The following ADGRL3 variants were observed in gnomAD, a reference collection of about 807,000 sequenced individuals.
The protein encoded by ADGRL3 is adhesion G protein-coupled receptor L3, also known as calcium-independent alpha-latrotoxin receptor 3.
A neutral mutation model predicts 153.5 loss-of-function variants in ADGRL3; 62 were observed. The observed-to-expected ratio is 0.40, with a 90% CI of 0.33 to 0.50. ADGRL3 has a LOEUF of 0.50. ADGRL3 is among the 20% of genes least tolerant of loss of function. The pLI, the probability that ADGRL3 is intolerant of heterozygous loss-of-function variation, is 0.47. For synonymous variants in ADGRL3, 710 were observed against 672.5 expected (o/e 1.06, Z -0.86); for missense variants, 1,641 against 1,859.4 (o/e 0.88, Z 2.16).
rs970171734 is a variant in ADGRL3, at chr4:62,008,907, T to C, written c.3395+10642T>C. 2.0e-5 allele frequency among the ~76,000 whole-genome samples: 3 copies of C among 152,246 alleles called. No homozygotes were observed. The East Asian group carries it at 5.8e-4, about 29-fold the overall frequency. The stretch of plus-strand genomic sequence containing the variant: ...CCATTTGTTTCCTGTACCTTTCTTA[T>C]GTTTACATTTGTTTAGATATACAAA... On this transcript the variant is annotated intron_variant, in intron 21 of 26. Coordinates refer to ENST00000683033, the MANE Select transcript of ADGRL3 (RefSeq NM_001387552.1).
intron 25 of ADGRL3, among the ~76,000 whole-genome samples, chr4:62,056,458 A>G (rs948944989): frequency 1.3e-5 from 2 of 152,048 alleles, no homozygotes; most frequent in African/African-American, 4.8e-5. Flanking sequence ...GAATGTGCAC[A>G]ATTTAGTGTA....
intron 6 of ADGRL3, among the ~76,000 whole-genome samples, chr4:61,726,919 TA>T (rs2096358666): frequency 2.6e-5 from 4 of 152,264 alleles, no homozygotes; most frequent in African/African-American, 9.6e-5. Flanking sequence ...AAATAAAATT[TA>T]AACATTAAAA....
At chr4:61,469,482 G>T (rs1415019994) in intron 2 of ADGRL3, among the ~76,000 whole-genome samples, 1 of 151,974 alleles carries the variant, frequency 6.6e-6, no homozygotes. Flanking sequence ...GCATTGGTCA[G>T]TTTTAGTTTG....
chr4:61,605,397 A>C lies in ADGRL3; in HGVS notation c.473+17957A>C, dbSNP rs564518702. On this transcript the variant is annotated intron_variant, in intron 5 of 26. Transcript: ENST00000683033. The stretch of plus-strand genomic sequence containing the variant: ...AAGATTGTTAGTTTTGTTTTGTCAG[A>C]GAGAACTTGACATTTCATAAGAAAA... Among the ~76,000 whole-genome samples, 5 of 152,274 alleles carry C rather than the reference A, an allele frequency of 3.3e-5. No individual in the cohort carries two copies. The South Asian group carries it at 1.0e-3, about 32-fold the overall frequency.
At chr4:61,611,927 A>G (rs562454240) in intron 5 of ADGRL3, among the ~76,000 whole-genome samples, 4 of 152,072 alleles carry the variant, frequency 2.6e-5, no homozygotes, top group Non-Finnish European at 4.4e-5. Context: ...TAAAAAATAT[A>G]TATATATTAT....
At chr4:61,918,606 G>A (rs1348232782) in intron 13 of ADGRL3, among the ~76,000 whole-genome samples, 1 of 152,088 alleles carries the variant, frequency 6.6e-6, no homozygotes, top group African/African-American at 2.4e-5. Context: ...ACAGGCTTAA[G>A]GAATGAGGAG....
chr4:61,888,877 G>A (rs1227152188), intron 9 of ADGRL3, among the ~76,000 whole-genome samples: 1 of 152,110 alleles, frequency 6.6e-6, no homozygotes, highest in African/African-American at 2.4e-5. Flanking sequence ...AGGATCATTT[G>A]GGGGAGAGGG....
At chr4:62,003,146 C>A (rs749796879) in intron 21 of ADGRL3, among the ~76,000 whole-genome samples, 1 of 152,078 alleles carries the variant, frequency 6.6e-6, no homozygotes, top group Non-Finnish European at 1.5e-5. Flanking sequence ...GTGAAGGGAA[C>A]ACGGAATCTA....
At chr4:61,546,605 G>A (rs1234730997) in intron 4 of ADGRL3, among the ~76,000 whole-genome samples, 2 of 151,964 alleles carry the variant, frequency 1.3e-5, no homozygotes, top group African/African-American at 2.4e-5. Context: ...CCAACTTCAT[G>A]TTCAATGAAG....
intron 1 of ADGRL3, among the ~76,000 whole-genome samples, chr4:61,319,871 A>G (rs1215436414): frequency 6.6e-6 from 1 of 152,140 alleles, no homozygotes; most frequent in African/African-American, 2.4e-5. Flanking sequence ...GCTTTGAAAA[A>G]TTGTTTCTCC....
chr4:61,372,545 G>T (rs1560535891), intron 1 of ADGRL3, among the ~76,000 whole-genome samples: 1 of 152,180 alleles, frequency 6.6e-6, no homozygotes, highest in African/African-American at 2.4e-5. Flanking sequence ...CTGCTCGGGG[G>T]TCAGGGGTCA....
intron 4 of ADGRL3, among the ~76,000 whole-genome samples, chr4:61,518,488 T>C (rs1428826347): frequency 6.6e-6 from 1 of 152,204 alleles, no homozygotes; most frequent in Non-Finnish European, 1.5e-5. Flanking sequence ...TCTGGTAAAA[T>C]AAGTTGGAAT....
chr4:62,061,742 T>C (rs1740300403), intron 25 of ADGRL3, among the ~76,000 whole-genome samples: 1 of 152,068 alleles, frequency 6.6e-6, no homozygotes, highest in South Asian at 2.1e-4. Flanking sequence ...ACTTTTCTTA[T>C]TCAGTATAAT....
intron 8 of ADGRL3, among the ~76,000 whole-genome samples, chr4:61,798,598 GTTTATTTATTTA>G (rs10548703): frequency 8.6e-5 from 13 of 150,510 alleles, no homozygotes; most frequent in African/African-American, 2.7e-4. Context: ...TTATTTGTTT[GTTTATTTATTTA>G]TTTATTTATT....
intron 22 of ADGRL3, 90 bp from the exon 23 acceptor site, chr4:62,031,352 A>AT (rs777298840): frequency 5.4e-5 from 59 of 1,097,644 alleles, no homozygotes; most frequent in Non-Finnish European, 7.1e-5. Flanking sequence ...TTACTGTAAC[A>AT]TTTTTTTCAG....
intron 6 of ADGRL3, among the ~76,000 whole-genome samples, chr4:61,697,773 G>C (rs17226242): frequency 6.6e-6 from 1 of 152,026 alleles, no homozygotes; most frequent in Admixed American, 6.6e-5. Flanking sequence ...TCAAGAAAAC[G>C]ATCACCTGGA....
In ADGRL3 at chr4:61,200,489, T is replaced by A. The variant is rs1201011441; in HGVS notation, c.-1516T>A. On this transcript the variant is annotated 5_prime_UTR_variant, in exon 1 of 27. Coordinates refer to ENST00000683033, the MANE Select transcript of ADGRL3 (RefSeq NM_001387552.1). ...GGAGCGGGGATGCAGATGCTGCAGC[T>A]GGTCGGGGTGGGCGCCGCCGCCGCC... 6.8e-6 allele frequency among the ~76,000 whole-genome samples: 1 copy of A among 147,502 alleles called. No individual in the cohort carries two copies. Among genetic ancestry groups the A allele is most frequent in the African/African-American group, 2.6e-5 (1 of 38,216 alleles).
chr4:61,749,013 A>C (rs2152028611), intron 8 of ADGRL3, among the ~76,000 whole-genome samples: 1 of 151,842 alleles, frequency 6.6e-6, no homozygotes, highest in South Asian at 2.1e-4. Context: ...CAAATTTACA[A>C]GAAAAAACAA....
intron 2 of ADGRL3, among the ~76,000 whole-genome samples, chr4:61,432,592 TTC>T (rs796192310): frequency 2.0e-3 from 16 of 8,194 alleles, no homozygotes; most frequent in South Asian, 0.01. Flanking sequence ...CTTTCTTTCT[TTC>T]TTTCTTTCTT....
Sources: gnomAD v4.1 joint callset for allele counts (sites outside exome capture counted in the v4.1 genomes callset) on GRCh38, gnomAD v4.1.1 for gene constraint, MANE v1.5 for transcripts, NCBI Gene and HGNC (gene_info 2026-07-23, HGNC 2026-07-21) for gene names.